MAPK4: variants seen among roughly 807,000 people sequenced by gnomAD.
The protein encoded by MAPK4 is Erk3-related.
Under a neutral mutation model 47.7 loss-of-function variants are expected in MAPK4, and 22 were observed. That is an observed-to-expected ratio of 0.46 (90% CI 0.33 to 0.66). The LOEUF (loss-of-function observed/expected upper bound fraction) is 0.66, where lower values mean the gene tolerates loss of function less well. Ranked by LOEUF, MAPK4 falls within the 30% of genes least tolerant of loss-of-function variation. The pLI, the probability that MAPK4 is intolerant of heterozygous loss-of-function variation, is 0.02. For missense variants in MAPK4, 736 were observed against 831.7 expected (o/e 0.88, Z 1.42); for synonymous variants, 390 against 365.7 (o/e 1.07, Z -0.76).
chr18:50,568,875 T>G (rs1324935740), intron 1 of MAPK4, among the ~76,000 whole-genome samples: 1 of 152,244 alleles, frequency 6.6e-6, no homozygotes, highest in African/African-American at 2.4e-5. Flanking sequence ...CAATCTTGAT[T>G]ACTGAATTTC....
chr18:50,636,846 T>C (rs908867967), intron 1 of MAPK4, among the ~76,000 whole-genome samples: 2 of 152,228 alleles, frequency 1.3e-5, no homozygotes, highest in Non-Finnish European at 2.9e-5. Flanking sequence ...CTTTTGCGTA[T>C]TGGTGTTTGT....
At chr18:50,677,820 G>C (rs1482657324) in intron 2 of MAPK4, among the ~76,000 whole-genome samples, 3 of 152,152 alleles carry the variant, frequency 2.0e-5, no homozygotes, top group African/African-American at 4.8e-5. Context: ...TTCCCAAAGT[G>C]CTGGGATTAT....
At position 50,651,376 on chromosome 18, in the gene MAPK4, C is replaced by T. The variant is rs139269832; in HGVS notation, c.-870-11713C>T. ...ATGTGTACTGTGATCCAGTGGCCTC[C>T]CACGGGCCCTGACCATCAAGACTAA... is the stretch of plus-strand genomic sequence containing the variant. On this transcript the variant is annotated intron_variant, in intron 1 of 5. Transcript: ENST00000400384. 4.6e-3 allele frequency among the ~76,000 whole-genome samples: 700 copies of T among 152,294 alleles called. 3 individuals carry two copies. Among genetic ancestry groups the T allele is most frequent in the Non-Finnish European group, 7.1e-3 (483 of 68,022 alleles).
intron 1 of MAPK4, among the ~76,000 whole-genome samples, chr18:50,635,796 T>C (rs552717859): frequency 1.9e-3 from 282 of 152,148 alleles, no homozygotes; most frequent in African/African-American, 6.7e-3. Flanking sequence ...ATGGTCTAGT[T>C]CATAAGGTCC....
intron 1 of MAPK4, among the ~76,000 whole-genome samples, chr18:50,575,096 G>A (rs1414304801): frequency 4.6e-5 from 7 of 152,280 alleles, no homozygotes; most frequent in Middle Eastern, 3.4e-3. Flanking sequence ...TTTAGGTCAC[G>A]AGGGCTCTGT....
At chr18:50,585,539 TC>T (rs1285700250) in intron 1 of MAPK4, among the ~76,000 whole-genome samples, 2 of 152,104 alleles carry the variant, frequency 1.3e-5, no homozygotes, top group Non-Finnish European at 2.9e-5. Context: ...CACCTGCAAG[TC>T]CCCCATAATG....
chr18:50,562,832 G>A (rs1156681882), intron 1 of MAPK4, among the ~76,000 whole-genome samples: 3 of 152,190 alleles, frequency 2.0e-5, no homozygotes, highest in Non-Finnish European at 2.9e-5. Flanking sequence ...AACTTGGGCA[G>A]CATATATGAA....
At chr18:50,577,309 A>T (rs2042306196) in intron 1 of MAPK4, among the ~76,000 whole-genome samples, 1 of 152,190 alleles carries the variant, frequency 6.6e-6, no homozygotes, top group Admixed American at 6.5e-5. Flanking sequence ...GGCATGTGTT[A>T]CACATTTGTG....
intron 1 of MAPK4, among the ~76,000 whole-genome samples, chr18:50,568,633 C>CT (rs1438523954): frequency 6.6e-6 from 1 of 152,220 alleles, no homozygotes; most frequent in Non-Finnish European, 1.5e-5. Flanking sequence ...GAAACTTCAT[C>CT]TGAACTCTAC....
At chr18:50,634,985 A>G (rs75206551) in intron 1 of MAPK4, among the ~76,000 whole-genome samples, 2,272 of 152,290 alleles carry the variant, frequency 0.015, 51 homozygotes, top group African/African-American at 0.047. Context: ...CAATCAACTG[A>G]GACTCTCCAG....
At chr18:50,659,455 G>A (rs1183198418) in intron 1 of MAPK4, among the ~76,000 whole-genome samples, 1 of 152,242 alleles carries the variant, frequency 6.6e-6, no homozygotes, top group Admixed American at 6.5e-5. Context: ...CTGAGCAGAT[G>A]GGGAGGTAAG....
rs113856362 is a variant in MAPK4 at position 50,716,718 on chromosome 18, C to G, written c.691+1495C>G. On this transcript the variant is annotated intron_variant, in intron 3 of 5. Transcript: ENST00000400384. ...ACCTCTCTTCTCAGTGCTTGCAGCC[C>G]CGCCCTGTCCTCCTAACCATGCTGT... Among the ~76,000 whole-genome samples, 690 of 152,248 alleles carry G rather than the reference C, an allele frequency of 4.5e-3. 12 individuals are homozygous for G. The highest frequency in any genetic ancestry group is 0.016 in the African/African-American group (658 of 41,544).
At chr18:50,666,239 A>G (rs187892653) in intron 2 of MAPK4, among the ~76,000 whole-genome samples, 1 of 152,288 alleles carries the variant, frequency 6.6e-6, no homozygotes, top group Admixed American at 6.5e-5. Flanking sequence ...TGGGGGTGAC[A>G]TGGTGTGAGC....
intron 1 of MAPK4, among the ~76,000 whole-genome samples, chr18:50,591,896 C>T (rs1359245869): frequency 1.3e-5 from 2 of 152,128 alleles, no homozygotes; most frequent in Admixed American, 1.3e-4. Context: ...CCGGGTTCAT[C>T]ATAAGCACCT....
At chr18:50,718,430 C>A (rs1053382323) in intron 3 of MAPK4, among the ~76,000 whole-genome samples, 18 of 152,058 alleles carry the variant, frequency 1.2e-4, no homozygotes, top group Admixed American at 6.6e-4. Context: ...GTTGGCCAGG[C>A]TGGTCTCAAA....
chr18:50,630,957 A>G (rs2144152807), intron 1 of MAPK4, among the ~76,000 whole-genome samples: 4 of 152,266 alleles, frequency 2.6e-5, no homozygotes, highest in Middle Eastern at 6.8e-3. Flanking sequence ...TTCATTACCC[A>G]TGGATTCTGT....
intron 2 of MAPK4, among the ~76,000 whole-genome samples, chr18:50,671,882 C>T (rs1907975450): frequency 6.8e-6 from 1 of 146,092 alleles, no homozygotes; most frequent in Admixed American, 6.8e-5. Flanking sequence ...AGAGTGAGAC[C>T]CTGACTCAAA....
intron 2 of MAPK4, among the ~76,000 whole-genome samples, chr18:50,710,404 A>G (rs1910285890): frequency 6.6e-6 from 1 of 151,992 alleles, no homozygotes; most frequent in Non-Finnish European, 1.5e-5. Context: ...GATCGCTTGA[A>G]TCCGGGAGGC....
intron 2 of MAPK4, among the ~76,000 whole-genome samples, chr18:50,680,125 C>G (rs549013448): frequency 8.5e-4 from 85 of 100,588 alleles, no homozygotes; most frequent in Non-Finnish European, 1.2e-3. Flanking sequence ...GAGTTTCGCT[C>G]TTGTCGTCCA....
Sources: allele counts gnomAD v4.1 joint callset (sites outside exome capture counted in the v4.1 genomes callset), GRCh38; gene constraint gnomAD v4.1.1; transcripts MANE v1.5; gene names NCBI Gene and HGNC (gene_info 2026-07-23, HGNC 2026-07-21).